GREM2: variants seen among roughly 807,000 people sequenced by gnomAD.
The protein encoded by GREM2 is gremlin-2.
Under a neutral mutation model 14.2 loss-of-function variants are expected in GREM2, and 11 were observed. That is an observed-to-expected ratio of 0.78 (90% CI 0.49 to 1.28). The LOEUF is 1.28. GREM2 is among the 50% of genes most tolerant of loss of function. GREM2 has a pLI of 0.00. For synonymous variants in GREM2, 98 were observed against 97.6 expected, an observed-to-expected ratio of 1.00 and a Z score of -0.02; for missense variants, 210 against 218.5, an observed-to-expected ratio of 0.96 and a Z score of 0.24.
At chr1:240,562,759 G>A (rs922138750) in intron 1 of GREM2, among the ~76,000 whole-genome samples, 36 of 151,814 alleles carry the variant, frequency 2.4e-4, no homozygotes, top group African/African-American at 8.5e-4. Context: ...GCATATGTGT[G>A]TATGTATATG....
At chr1:240,510,062 T>TA (rs1243605579) in intron 1 of GREM2, among the ~76,000 whole-genome samples, 2 of 152,008 alleles carry the variant, frequency 1.3e-5, no homozygotes, top group African/African-American at 4.8e-5. Flanking sequence ...TAAAAATAAT[T>TA]ATCGCTCTTT....
chr1:240,497,685 A>C (rs1390345399), intron 1 of GREM2, among the ~76,000 whole-genome samples: 2 of 150,546 alleles, frequency 1.3e-5, no homozygotes, highest in African/African-American at 4.9e-5. Flanking sequence ...TTTGTCCAGC[A>C]CAATTATTAA....
At chr1:240,571,824 G>A (rs575314463) in intron 1 of GREM2, among the ~76,000 whole-genome samples, 2 of 152,288 alleles carry the variant, frequency 1.3e-5, no homozygotes, top group Non-Finnish European at 2.9e-5. Flanking sequence ...GCCATTACCA[G>A]TCACTTCCCA....
chr1:240,508,733 G>A (rs368933817), intron 1 of GREM2, among the ~76,000 whole-genome samples: 3 of 152,046 alleles, frequency 2.0e-5, no homozygotes, highest in Admixed American at 2.0e-4. Context: ...TTCAATAAAC[G>A]ACTTTCTTTT....
At chr1:240,520,224 G>T (rs1389963723) in intron 1 of GREM2, among the ~76,000 whole-genome samples, 1 of 152,174 alleles carries the variant, frequency 6.6e-6, no homozygotes, top group Non-Finnish European at 1.5e-5. Flanking sequence ...CAAGCACATG[G>T]TCAATTACCC....
intron 1 of GREM2, among the ~76,000 whole-genome samples, chr1:240,525,284 C>T (rs1678196149): frequency 6.6e-6 from 1 of 152,156 alleles, no homozygotes; most frequent in African/African-American, 2.4e-5. Flanking sequence ...CTGCTCCTTG[C>T]TTACCTTCTC....
chr1:240,599,235 T>C (rs1679874076), intron 1 of GREM2, among the ~76,000 whole-genome samples: 1 of 150,738 alleles, frequency 6.6e-6, no homozygotes, highest in South Asian at 2.1e-4. Context: ...GCCACTCCAC[T>C]TCAGCCGGGG....
At position 240,550,616 on chromosome 1, in the gene GREM2, T is replaced by C. The variant is rs116664887; in HGVS notation, c.-1-57140A>G. ...AGCATCAGTTGTTTTGCATTAAAAATGACAGGTGGAAATAGAACTCTACTA... is the reference window on the plus strand; with the variant it reads ...AGCATCAGTTGTTTTGCATTAAAAACGACAGGTGGAAATAGAACTCTACTA... On this transcript the variant is annotated intron_variant, in intron 1 of 1. Coordinates refer to ENST00000318160, the MANE Select transcript of GREM2 (RefSeq NM_022469.4). Among the ~76,000 whole-genome samples, 271 of 152,286 alleles carry C rather than the reference T, an allele frequency of 1.8e-3. 1 individual carries two copies. Among genetic ancestry groups the C allele is most frequent in the African/African-American group, 6.2e-3 (259 of 41,558 alleles).
At chr1:240,518,664 G>T (rs901467078) in intron 1 of GREM2, among the ~76,000 whole-genome samples, 1 of 152,110 alleles carries the variant, frequency 6.6e-6, no homozygotes, top group Non-Finnish European at 1.5e-5. Context: ...TCTCATCAAA[G>T]AATTACATCT....
intron 1 of GREM2, among the ~76,000 whole-genome samples, chr1:240,597,743 T>C (rs1679849170): frequency 6.6e-6 from 1 of 152,180 alleles, no homozygotes; most frequent in African/African-American, 2.4e-5. Context: ...TCTAAGCGGA[T>C]GGCTGATTTG....
intron 1 of GREM2, among the ~76,000 whole-genome samples, chr1:240,513,230 G>C (rs1351227132): frequency 6.6e-6 from 1 of 152,148 alleles, no homozygotes; most frequent in Non-Finnish European, 1.5e-5. Flanking sequence ...TGAGGAGAGA[G>C]AAGAGCTAGC....
intron 1 of GREM2, chr1:240,531,748 GC>G: frequency 1.1e-6 from 1 of 908,120 alleles, no homozygotes; most frequent in Non-Finnish European, 1.3e-6. Flanking sequence ...TGCTCTTGTT[GC>G]CCAGACTGGA....
intron 1 of GREM2, among the ~76,000 whole-genome samples, chr1:240,502,805 A>T (rs113660124): frequency 6.6e-6 from 1 of 152,206 alleles, no homozygotes; most frequent in African/African-American, 2.4e-5. Flanking sequence ...TTGTTCAGGT[A>T]TTGAATTTCA....
chr1:240,603,317 C>T (rs200769581), intron 1 of GREM2, among the ~76,000 whole-genome samples: 1 of 152,154 alleles, frequency 6.6e-6, no homozygotes, highest in African/African-American at 2.4e-5. Context: ...GGACTCTTCC[C>T]TCTTTATAGA....
intron 1 of GREM2, among the ~76,000 whole-genome samples, chr1:240,600,421 T>C (rs1006652114): frequency 6.6e-6 from 1 of 152,162 alleles, no homozygotes; most frequent in Non-Finnish European, 1.5e-5. Context: ...AAGGTACCTA[T>C]GTGTCCATGT....
chr1:240,509,425 A>G (rs1461110120), intron 1 of GREM2, among the ~76,000 whole-genome samples: 3 of 147,790 alleles, frequency 2.0e-5, no homozygotes, highest in Non-Finnish European at 4.4e-5. Flanking sequence ...CTGGAGTGCA[A>G]TGGCACGATC....
At chr1:240,541,060 T>C (rs941231824) in intron 1 of GREM2, among the ~76,000 whole-genome samples, 1 of 152,226 alleles carries the variant, frequency 6.6e-6, no homozygotes, top group African/African-American at 2.4e-5. Context: ...CTCACACCAA[T>C]GGTGAATACA....
chr1:240,572,185 A>AT (rs1041791984), intron 1 of GREM2, among the ~76,000 whole-genome samples: 3 of 152,086 alleles, frequency 2.0e-5, no homozygotes, highest in South Asian at 2.1e-4. Context: ...GAAGCCCAGC[A>AT]TTTTTTTTAT....
intron 1 of GREM2, among the ~76,000 whole-genome samples, chr1:240,556,737 T>TA (rs934819438): frequency 2.3e-4 from 35 of 151,814 alleles, no homozygotes; most frequent in African/African-American, 8.2e-4. Context: ...CAGCAAGGAA[T>TA]AAAAAATGAC....
Sources: allele counts gnomAD v4.1 joint callset (sites outside exome capture counted in the v4.1 genomes callset), GRCh38; gene constraint gnomAD v4.1.1; transcripts MANE v1.5; gene names NCBI Gene and HGNC (gene_info 2026-07-23, HGNC 2026-07-21).